The following PDZD7 variants were observed in gnomAD, a reference collection of about 807,000 sequenced individuals.
The protein encoded by PDZD7 is PDZ domain containing 7.
PDZD7 carries 72 observed loss-of-function variants against 84.7 expected under a neutral mutation model. The observed-to-expected ratio is 0.85, with a 90% CI of 0.70 to 1.03. PDZD7 has a LOEUF of 1.03. Ranked by LOEUF, PDZD7 falls within the 50% of genes least tolerant of loss-of-function variation. PDZD7 has a pLI of 0.00. For synonymous variants in PDZD7, 594 were observed against 580.7 expected, an observed-to-expected ratio of 1.02 and a Z score of -0.33; for missense variants, 1,490 against 1,412.9, an observed-to-expected ratio of 1.05 and a Z score of -0.87.
At chr10:101,022,804 C>G (rs1005157655) in intron 4 of PDZD7, among the ~76,000 whole-genome samples, 1 of 152,014 alleles carries the variant, frequency 6.6e-6, no homozygotes, top group Non-Finnish European at 1.5e-5. Context: ...TGGAGTTTCA[C>G]TCCTGCTGCC....
chr10:101,019,741 T>C (rs1852968244), intron 7 of PDZD7, among the ~76,000 whole-genome samples: 1 of 151,758 alleles, frequency 6.6e-6, no homozygotes, highest in South Asian at 2.1e-4. Context: ...TTCTTGTGCC[T>C]CAGCTTCCCA....
At chr10:101,025,186 G>A (rs1937620463) in intron 2 of PDZD7, among the ~76,000 whole-genome samples, 1 of 152,190 alleles carries the variant, frequency 6.6e-6, no homozygotes, top group South Asian at 2.1e-4. Context: ...AAAACATTCT[G>A]CTGTTGGAAA....
At chr10:101,019,524 CCTTCTG>C (rs376643396) in intron 7 of PDZD7, among the ~76,000 whole-genome samples, 4 of 137,100 alleles carry the variant, frequency 2.9e-5, no homozygotes, top group East Asian at 2.1e-4. Context: ...TTCTGCTTCC[CCTTCTG>C]CTTCTGCTTC....
chr10:101,015,616 C>T lies in PDZD7; in HGVS notation c.1749+20G>A, dbSNP rs1194889908. 9 of 1,544,852 alleles carry T rather than the reference C, an allele frequency of 5.8e-6. No homozygotes were observed. Among genetic ancestry groups the T allele is most frequent in the South Asian group, 1.2e-5 (1 of 83,816 alleles). ...ACTGAAGGACCGTGTGCCAGGGCTGCGGATGGGATGAAGGCTTACCCGGGA... is the reference window on the plus strand; with the variant it reads ...ACTGAAGGACCGTGTGCCAGGGCTGTGGATGGGATGAAGGCTTACCCGGGA... On this transcript the variant is annotated intron_variant, in intron 11 of 16. Coordinates refer to ENST00000619208, the MANE Select transcript of PDZD7 (RefSeq NM_001195263.2).
intron 14 of PDZD7, 71 bp from the exon 15 acceptor site, chr10:101,010,954 G>T: frequency 6.5e-7 from 1 of 1,531,058 alleles, no homozygotes; most frequent in Non-Finnish European, 8.7e-7. Context: ...TTTGGTTTGT[G>T]TGGGGCCTGT....
intron 11 of PDZD7, among the ~76,000 whole-genome samples, chr10:101,014,671 GACAC>G (rs3051191): frequency 1.3e-5 from 2 of 149,042 alleles, no homozygotes; most frequent in Admixed American, 6.7e-5. Flanking sequence ...ACAATGCATG[GACAC>G]ACACACACAC....
chr10:101,024,015 C>G lies in PDZD7; in HGVS notation c.280G>C (p.Ala94Pro). ...CGCACGCTGAAGCCCAGCCTCCCTG[C>G]TGGACTCTTCTCCACCCGGACTGAA... is the stretch of plus-strand genomic sequence containing the variant. ...IHSVRVEKSP[A>P]GRLGFSVRGG... Residue 94 changes from alanine to proline, a missense_variant, in exon 3 of 17, where the codon GCA becomes CCA. Coordinates refer to ENST00000619208, the MANE Select transcript of PDZD7 (RefSeq NM_001195263.2). 1 of 1,614,262 alleles carries G rather than the reference C, an allele frequency of 6.2e-7. No individual in the cohort carries two copies. Among genetic ancestry groups the G allele is most frequent in the Non-Finnish European group, 8.5e-7 (1 of 1,180,050 alleles).
At chr10:101,029,454 C>T (rs1937926582) in intron 2 of PDZD7, among the ~76,000 whole-genome samples, 1 of 152,200 alleles carries the variant, frequency 6.6e-6, no homozygotes, top group Admixed American at 6.5e-5. Context: ...GGAGCTCCCT[C>T]TCCACCCTCA....
Position 101,008,456 on chromosome 10 carries a change from TA to T in PDZD7, c.*10del. The T allele has an allele frequency of 3.4e-6, 5 of 1,487,904 alleles. No homozygotes were observed. The highest frequency in any genetic ancestry group is 4.5e-6 in the Non-Finnish European group (5 of 1,121,646). 92.2% of individuals were successfully genotyped at this position (1,487,904 alleles called of 1,614,324 possible). A position where few individuals can be genotyped will look rare whatever the true frequency, so the allele number is the denominator to read the frequency against. The stretch of plus-strand genomic sequence containing the variant: ...TGGAGTCAGTGGGTGAATCTGAGGT[TA>T]GGGGGAGGGTCATGGGATGCGTGGG... On this transcript the variant is annotated 3_prime_UTR_variant, in exon 17 of 17. Transcript: ENST00000619208.
chr10:101,022,389 G>T lies in PDZD7; in HGVS notation c.543-4C>A, dbSNP rs1281921654. On this transcript the variant is annotated splice_polypyrimidine_tract_variant and splice_region_variant and intron_variant, in intron 4 of 16. Transcript: ENST00000619208. ...GCGCCGATTCACCACATCCACCCTG[G>T]ACAACAGCAGGGGGCCCTCAGGTGG... 1.2e-6 allele frequency: 2 copies of T among 1,613,996 alleles called. No individual in the cohort carries two copies. The highest frequency in any genetic ancestry group is 2.2e-5 in the South Asian group (2 of 91,070).
Position 101,023,596 on chromosome 10 carries a change from A to G in PDZD7, c.382T>C (p.Cys128Arg), listed in dbSNP as rs746178505. 25 of 1,612,670 alleles carry G rather than the reference A, an allele frequency of 1.6e-5. No homozygotes were observed. The South Asian group carries it at 2.5e-4, about 16-fold the overall frequency. The change falls in exon 4 of 17, where the codon TGC (cysteine) becomes CGC (arginine). Residue 128 changes from cysteine to arginine, a missense_variant. Physicochemically the swap from Cys to Arg is radical, Grantham distance 180 (BLOSUM62 -3). Transcript: ENST00000619208. ...ACCTCCGTGATCTTGTCCCCCACGCACAGGCCAGCCCGCTCTGCACCACAG... is the reference window on the plus strand; with the variant it reads ...ACCTCCGTGATCTTGTCCCCCACGCGCAGGCCAGCCCGCTCTGCACCACAG... The part of the protein sequence containing the change: ...EGSSAERAGL[C>R]VGDKITEVNG...
rs1211586510 is a variant in PDZD7, at chr10:101,012,258, A to G, written c.1750T>C (p.Tyr584His). The G allele has an allele frequency of 1.3e-6, 2 of 1,549,562 alleles. No individual in the cohort carries two copies. The highest frequency in any genetic ancestry group is 2.4e-5 in the South Asian group (2 of 84,058). The change falls in exon 12 of 17, where the codon TAT (tyrosine) becomes CAT (histidine). Residue 584 changes from tyrosine to histidine, a missense_variant and splice_region_variant. Coordinates refer to ENST00000619208, the MANE Select transcript of PDZD7 (RefSeq NM_001195263.2). The stretch of plus-strand genomic sequence containing the variant: ...TCCTCTATGCCTCCCTCGTGCACAT[A>G]CTGCAGATAGAGGCAGCACAGGTCA... ...VLAVTRHCSR[Y>H]VHEGGIEDLV...
intron 14 of PDZD7, 107 bp downstream of exon 14, chr10:101,011,583 T>C: frequency 1.3e-6 from 2 of 1,484,746 alleles, no homozygotes; most frequent in South Asian, 1.3e-5. Flanking sequence ...ACAATGTGCC[T>C]GGAAGCCACA....
chr10:101,026,691 A>C (rs1413489603), intron 2 of PDZD7, among the ~76,000 whole-genome samples: 1 of 151,274 alleles, frequency 6.6e-6, no homozygotes, highest in African/African-American at 2.4e-5. Context: ...ACACACACAC[A>C]CACACACACA....
In PDZD7 at chr10:101,016,428, C is replaced by T; in HGVS notation, c.1523-1G>A. On this transcript the variant is annotated splice_acceptor_variant, in intron 9 of 16. Coordinates refer to ENST00000619208, the MANE Select transcript of PDZD7 (RefSeq NM_001195263.2). LOFTEE classifies it high-confidence loss of function. ...TTCTGTACCGGGCCCACGCCCCCTG[C>T]TATGAAGAAGAAAGAGGCTCAGCTG... The T allele has an allele frequency of 6.4e-7, 1 of 1,550,626 alleles. No individual in the cohort carries two copies. The highest frequency in any genetic ancestry group is 1.2e-5 in the South Asian group (1 of 84,064).
rs374893110 is a variant in PDZD7 at position 101,023,531 on chromosome 10, G to A, written c.447C>T (p.Ala149=). 12 of 1,614,062 alleles carry A rather than the reference G, an allele frequency of 7.4e-6. No individual in the cohort carries two copies. The highest frequency in any genetic ancestry group is 2.2e-5 in the South Asian group (2 of 91,086). Residue 149 remains alanine, a synonymous_variant, in exon 4 of 17, where the codon GCC becomes GCT. Transcript: ENST00000619208. ...GGCTGCTGCTGGTCAGCACCTTTAC[G>A]GCGCTACCCATGGTGGTGCTCTCCA... ...LSLESTTMGS[A]VKVLTSSSRL...
At chr10:101,023,880 T>G (rs369326705) in intron 3 of PDZD7, 48 bp downstream of exon 3, 4 of 1,613,718 alleles carry the variant, frequency 2.5e-6, no homozygotes, top group Non-Finnish European at 3.4e-6. Flanking sequence ...TTCACTGAGA[T>G]TGGAGTCACA....
In PDZD7 at chr10:101,018,152, G is replaced by A; in HGVS notation, c.1469C>T (p.Thr490Ile). 1 of 1,614,218 alleles carries A rather than the reference G, an allele frequency of 6.2e-7. No individual in the cohort carries two copies. The highest frequency in any genetic ancestry group is 1.1e-5 in the South Asian group (1 of 91,090). Residue 490 changes from threonine to isoleucine, a missense_variant, in exon 9 of 17, where the codon ACA (threonine) becomes ATA (isoleucine). By Grantham distance (89) the Thr-to-Ile change is moderately conservative (BLOSUM62 -1). Transcript: ENST00000619208. ...LARDGRREAWTLDSGSLAKTY... is the reference protein window; with the variant it reads ...LARDGRREAWILDSGSLAKTY... ...TTTGGCCAGGCTCCCGCTGTCCAGT[G>A]TCCAGGCCTCTCTGCGCCCGTCCCG...
intron 11 of PDZD7, among the ~76,000 whole-genome samples, chr10:101,014,015 A>AT (rs34909819): frequency 0.033 from 4,616 of 140,860 alleles, 175 homozygotes; most frequent in African/African-American, 0.087. Flanking sequence ...ATGCCCAGCT[A>AT]TTTTTTTTTT....
Sources: gnomAD v4.1 joint callset for allele counts (sites outside exome capture counted in the v4.1 genomes callset) on GRCh38, gnomAD v4.1.1 for gene constraint, MANE v1.5 for transcripts, NCBI Gene and HGNC (gene_info 2026-07-23, HGNC 2026-07-21) for gene names.